Variants in PALLD observed in about 807,000 individuals in gnomAD.
PALLD encodes the protein palladin.
Under a neutral mutation model 123.5 loss-of-function variants are expected in PALLD, and 61 were observed. The ratio of observed to expected loss-of-function variants is 0.49; its 90% CI spans 0.40 to 0.61. PALLD has a LOEUF of 0.61. Among genes scored for constraint, PALLD ranks in the 20% least tolerant of loss-of-function variants. The pLI is 0.00. For missense variants in PALLD, 1,273 were observed against 1,377.0 expected (o/e 0.92, Z 1.20); for synonymous variants, 465 against 496.4 (o/e 0.94, Z 0.84).
chr4:168,872,918 G>C (rs896931328), intron 10 of PALLD, among the ~76,000 whole-genome samples: 3 of 152,174 alleles, frequency 2.0e-5, no homozygotes, highest in Non-Finnish European at 4.4e-5. Flanking sequence ...TGAGTGGGAA[G>C]CCCTTGTAGG....
intron 10 of PALLD, among the ~76,000 whole-genome samples, chr4:168,746,599 G>A (rs891142145): frequency 8.6e-5 from 13 of 151,964 alleles, no homozygotes; most frequent in Admixed American, 8.5e-4. Context: ...TCTCCATTCT[G>A]GTTAACTTAC....
In PALLD at chr4:168,740,155, A is replaced by T. The variant is rs140467144; in HGVS notation, c.1964+28232A>T. ...TAAATTTTGTAATGCTTCTTGGGAC[A>T]TATGTCAGTAATCATCACATGGTTT... On this transcript the variant is annotated intron_variant, in intron 10 of 21. Transcript: ENST00000505667. 4.7e-4 allele frequency among the ~76,000 whole-genome samples: 72 copies of T among 152,296 alleles called. 1 individual carries two copies. The highest frequency in any genetic ancestry group is 1.6e-3 in the African/African-American group (68 of 41,566).
At chr4:168,657,228 G>A (rs767385108) in intron 2 of PALLD, among the ~76,000 whole-genome samples, 1 of 152,174 alleles carries the variant, frequency 6.6e-6, no homozygotes, top group Non-Finnish European at 1.5e-5. Context: ...GAAATTCAGT[G>A]TATATTGGCA....
chr4:168,707,154 AT>A (rs1784306168), intron 8 of PALLD, among the ~76,000 whole-genome samples: 1 of 152,132 alleles, frequency 6.6e-6, no homozygotes, highest in Non-Finnish European at 1.5e-5. Context: ...AGATTTGCTG[AT>A]TTTCATTATT....
intron 15 of PALLD, among the ~76,000 whole-genome samples, chr4:168,909,703 T>A (rs1758511180): frequency 6.6e-6 from 1 of 152,202 alleles, no homozygotes; most frequent in African/African-American, 2.4e-5. Flanking sequence ...CAGAGCCTAC[T>A]AACTATGATT....
rs1269941586 is a variant in PALLD at position 168,681,323 on chromosome 4, C to T, written c.1088-9C>T. ...CTTAACTTTACCATTATCTTTAATA[C>T]TTTCCCAGGTGCCAGTTCAACAGAT... On this transcript the variant is annotated splice_polypyrimidine_tract_variant and intron_variant, in intron 3 of 21. Transcript: ENST00000505667. 6.4e-7 allele frequency: 1 copy of T among 1,560,380 alleles called. No homozygotes were observed. The highest frequency in any genetic ancestry group is 8.8e-7 in the Non-Finnish European group (1 of 1,131,668).
intron 2 of PALLD, among the ~76,000 whole-genome samples, chr4:168,522,611 A>G (rs1763664697): frequency 6.6e-6 from 1 of 152,236 alleles, no homozygotes; most frequent in Non-Finnish European, 1.5e-5. Context: ...CAAGGACTCC[A>G]TTTAGACATT....
At chr4:168,919,365 A>G (rs1760940056) in intron 17 of PALLD, among the ~76,000 whole-genome samples, 1 of 152,090 alleles carries the variant, frequency 6.6e-6, no homozygotes, top group East Asian at 1.9e-4. Context: ...CTCTACTAAA[A>G]TACAAAAAAA....
At chr4:168,913,666 T>A (rs1759507631) in intron 15 of PALLD, among the ~76,000 whole-genome samples, 2 of 151,934 alleles carry the variant, frequency 1.3e-5, no homozygotes, top group African/African-American at 4.8e-5. Context: ...TTAAATACCA[T>A]CCTAGATAAA....
intron 2 of PALLD, among the ~76,000 whole-genome samples, chr4:168,552,508 T>C (rs1766843647): frequency 6.6e-6 from 1 of 152,186 alleles, no homozygotes; most frequent in South Asian, 2.1e-4. Context: ...TAGCTAACTT[T>C]TCCTGTTTGG....
At chr4:168,813,600 G>A (rs1259517187) in intron 10 of PALLD, among the ~76,000 whole-genome samples, 1 of 152,018 alleles carries the variant, frequency 6.6e-6, no homozygotes, top group Non-Finnish European at 1.5e-5. Context: ...TAGGACTGCC[G>A]GCACATGCCA....
chr4:168,605,866 T>C (rs1402783912), intron 2 of PALLD, among the ~76,000 whole-genome samples: 1 of 152,262 alleles, frequency 6.6e-6, no homozygotes, highest in Non-Finnish European at 1.5e-5. Context: ...ACTGCTTGTA[T>C]TTTGGTTTGC....
chr4:168,606,078 T>C (rs1410447413), intron 2 of PALLD, among the ~76,000 whole-genome samples: 2 of 152,242 alleles, frequency 1.3e-5, no homozygotes, highest in East Asian at 3.8e-4. Context: ...TCTTTCTCTG[T>C]GTCCTTGCCT....
intron 2 of PALLD, among the ~76,000 whole-genome samples, chr4:168,632,268 C>T (rs1324722461): frequency 6.6e-6 from 1 of 152,030 alleles, no homozygotes; most frequent in African/African-American, 2.4e-5. Flanking sequence ...GCGATTTGAG[C>T]CCAATGAGTT....
At chr4:168,847,807 A>G (rs1166623765) in intron 10 of PALLD, among the ~76,000 whole-genome samples, 1 of 152,160 alleles carries the variant, frequency 6.6e-6, no homozygotes, top group Non-Finnish European at 1.5e-5. Flanking sequence ...TTGTATTACA[A>G]ACAATCCAGT....
chr4:168,771,109 T>C (rs966230447), intron 10 of PALLD, among the ~76,000 whole-genome samples: 2 of 151,228 alleles, frequency 1.3e-5, no homozygotes, highest in Admixed American at 1.3e-4. Context: ...AAACCCATAA[T>C]GCAAATACAT....
intron 8 of PALLD, among the ~76,000 whole-genome samples, chr4:168,702,326 G>A (rs1783753799): frequency 6.6e-6 from 1 of 152,090 alleles, no homozygotes; most frequent in South Asian, 2.1e-4. Context: ...TGAGGCGGGT[G>A]GATCACCTGA....
chr4:168,622,564 T>C (rs1028463319), intron 2 of PALLD, among the ~76,000 whole-genome samples: 4 of 152,252 alleles, frequency 2.6e-5, no homozygotes, highest in South Asian at 2.1e-4. Flanking sequence ...GAAACGCGTA[T>C]GTTTTCTTTA....
intron 3 of PALLD, among the ~76,000 whole-genome samples, chr4:168,677,168 G>A (rs1317913478): frequency 1.3e-5 from 2 of 151,596 alleles, no homozygotes; most frequent in Admixed American, 1.3e-4. Flanking sequence ...CTGAGACTCC[G>A]TAGTGTTGTT....
Sources: gnomAD v4.1 joint callset for allele counts (sites outside exome capture counted in the v4.1 genomes callset) on GRCh38, gnomAD v4.1.1 for gene constraint, MANE v1.5 for transcripts, NCBI Gene and HGNC (gene_info 2026-07-23, HGNC 2026-07-21) for gene names.